Variants in CYB561A3 observed in about 807,000 individuals in gnomAD.
CYB561A3 encodes lysosomal membrane ascorbate-dependent ferrireductase CYB561A3.
In CYB561A3, 16 loss-of-function variants were observed where a neutral mutation model predicts 25.3. That is an observed-to-expected ratio of 0.63 (90% CI 0.43 to 0.96). CYB561A3 has a LOEUF of 0.96. CYB561A3 is among the 40% of genes least tolerant of loss of function. The pLI, the probability that CYB561A3 is intolerant of heterozygous loss-of-function variation, is 0.00. For synonymous variants in CYB561A3, 131 were observed against 129.9 expected, an observed-to-expected ratio of 1.01 and a Z score of -0.06; for missense variants, 219 against 307.5, an observed-to-expected ratio of 0.71 and a Z score of 2.15.
At chr11:61,354,757 A>G (rs1464568026) in intron 3 of CYB561A3, 1 of 152,168 alleles carries the variant, frequency 6.6e-6, no homozygotes, top group African/African-American at 2.4e-5. Context: ...TCATTGTTTC[A>G]TCAAACTGAA....
At position 61,349,469 on chromosome 11, in the gene CYB561A3, AAGG is replaced by A. The variant is rs1857293224; in HGVS notation, c.*927_*929del. Reference sequence around the variant, plus strand: ...GGAGGCAGGAAGGCCCTGATCCAGCAAGGAGAAGTAGAGGAAGTCCACAGCCAC... The same window carrying A: ...GGAGGCAGGAAGGCCCTGATCCAGCAAGAAGTAGAGGAAGTCCACAGCCAC... On this transcript the variant is annotated 3_prime_UTR_variant, in exon 7 of 7. Coordinates refer to ENST00000294072, the MANE Select transcript of CYB561A3 (RefSeq NM_153611.6). The A allele has an allele frequency of 4.3e-6, 3 of 690,732 alleles. No individual in the cohort carries two copies. Among genetic ancestry groups the A allele is most frequent in the Non-Finnish European group, 8.0e-6 (3 of 376,362 alleles). 42.8% of individuals were successfully genotyped at this position (690,732 alleles called of 1,614,324 possible).
chr11:61,359,744 A>G (rs991858414), intron 1 of CYB561A3: 5 of 152,376 alleles, frequency 3.3e-5, no homozygotes, highest in Admixed American at 6.5e-5. Context: ...GTGAAGGACC[A>G]GCACAGTGAT....
chr11:61,350,529 GC>G, intron 6 of CYB561A3, 107 bp from the exon 7 acceptor site: 1 of 1,423,532 alleles, frequency 7.0e-7, no homozygotes, highest in Non-Finnish European at 9.7e-7. Context: ...CCCCATCCAA[GC>G]CACCAAATCC....
In CYB561A3 at chr11:61,356,592, AT is replaced by A; in HGVS notation, c.121del (p.Ile41SerfsTer48). ...WRGGFAWNGSIYMFNWHPVLM... is the reference protein window; with the variant it reads ...WRGGFAWNGSXYMFNWHPVLM... ...CACTGGGTGCCAGTTGAACATGTAG[AT>A]GCTGCCATTCCAGGCAAAGCCACCA... On this transcript the variant is annotated frameshift_variant, in exon 3 of 7. Transcript: ENST00000294072. LOFTEE classifies it high-confidence loss of function. 6.2e-7 allele frequency: 1 copy of A among 1,614,228 alleles called. No homozygotes were observed. The highest frequency in any genetic ancestry group is 1.1e-5 in the South Asian group (1 of 91,090).
chr11:61,350,698 A>C (rs554729866), intron 6 of CYB561A3: 150 of 591,636 alleles, frequency 2.5e-4, no homozygotes, highest in Middle Eastern at 8.8e-4. Context: ...TGTCACAGTC[A>C]AGCCCTTCCT....
chr11:61,354,736 C>T (rs1420878435), intron 3 of CYB561A3: 2 of 152,178 alleles, frequency 1.3e-5, no homozygotes, highest in Non-Finnish European at 2.9e-5. Context: ...GGCTAAAAAG[C>T]ATCATGACAG....
chr11:61,349,659 C>T lies in CYB561A3; in HGVS notation c.*740G>A. 3 of 702,810 alleles carry T rather than the reference C, an allele frequency of 4.3e-6. No individual in the cohort carries two copies. The South Asian group carries it at 4.4e-5, about 10-fold the overall frequency. 43.5% of individuals were successfully genotyped at this position (702,810 alleles called of 1,614,324 possible). A position where few individuals can be genotyped will look rare whatever the true frequency, so the allele number is the denominator to read the frequency against. On this transcript the variant is annotated 3_prime_UTR_variant, in exon 7 of 7. Transcript: ENST00000294072. ...GTAGCAGCAGCTGGAAGAGGTGGAG[C>T]CGCACGGTCACAATACATGCAGACA...
At chr11:61,360,769 G>C (rs867869906) in intron 1 of CYB561A3, 2 of 152,146 alleles carry the variant, frequency 1.3e-5, no homozygotes, top group South Asian at 2.1e-4. Flanking sequence ...CATGAGGTCA[G>C]GAGTTCGAGA....
In CYB561A3 at chr11:61,350,342, T is replaced by G; in HGVS notation, c.*57A>C. On this transcript the variant is annotated 3_prime_UTR_variant, in exon 7 of 7. Coordinates refer to ENST00000294072, the MANE Select transcript of CYB561A3 (RefSeq NM_153611.6). ...CGGGAGCCCTGGGAAGAGCAGAGCT[T>G]CTGAGGGGAGCACAGGCTGCACCAC... The G allele has an allele frequency of 4.4e-6, 7 of 1,589,320 alleles. No homozygotes were observed. Among genetic ancestry groups the G allele is most frequent in the Non-Finnish European group, 4.3e-6 (5 of 1,167,966 alleles).
intron 3 of CYB561A3, chr11:61,355,953 A>T (rs1158502292): frequency 6.6e-6 from 1 of 152,132 alleles, no homozygotes; most frequent in African/African-American, 2.4e-5. Flanking sequence ...TTAGCCGGTC[A>T]CGGTGGCAGG....
intron 6 of CYB561A3, chr11:61,350,750 A>G (rs2135098127): frequency 3.3e-6 from 2 of 606,072 alleles, no homozygotes; most frequent in East Asian, 2.9e-5. Flanking sequence ...ACAGAACCAC[A>G]GTGATTTGGG....
At chr11:61,350,495 CA>C in intron 6 of CYB561A3, 73 bp from the exon 7 acceptor site, 1 of 1,573,682 alleles carries the variant, frequency 6.4e-7, no homozygotes, top group Middle Eastern at 1.7e-4. Flanking sequence ...GCTGTTCAGA[CA>C]GACCCCCAGC....
rs761616165 is a variant in CYB561A3, at chr11:61,353,901, G to T, written c.276C>A (p.Val92=). 3 of 1,614,218 alleles carry T rather than the reference G, an allele frequency of 1.9e-6. No homozygotes were observed. Among genetic ancestry groups the T allele is most frequent in the Non-Finnish European group, 2.5e-6 (3 of 1,180,040 alleles). ...LHAALHLMAF[V]LTVVGLVAVF... ...CAGCAACCAGCCCCACAACAGTGAG[G>T]ACGAAGGCCATCAGGTGCAGCGCTG... Residue 92 remains valine, a synonymous_variant, in exon 4 of 7, where the codon GTC becomes GTA. Transcript: ENST00000294072.
chr11:61,354,252 G>C lies in CYB561A3; in HGVS notation c.185-260C>G, dbSNP rs1291521057. The stretch of plus-strand genomic sequence containing the variant: ...TGCCTGTAATTCCAGCACTTTTTGG[G>C]AGGCCAAGGTGGGAGGACTGCTTGA... On this transcript the variant is annotated intron_variant, in intron 3 of 6. Coordinates refer to ENST00000294072, the MANE Select transcript of CYB561A3 (RefSeq NM_153611.6). 5.9e-6 allele frequency: 3 copies of C among 510,314 alleles called. No homozygotes were observed. The Admixed American group carries it at 9.9e-5, about 17-fold the overall frequency. 31.6% of individuals were successfully genotyped at this position (510,314 alleles called of 1,614,324 possible). A position where few individuals can be genotyped will look rare whatever the true frequency, so the allele number is the denominator to read the frequency against.
chr11:61,350,301 G>T lies in CYB561A3; in HGVS notation c.*98C>A. ...CTGGGCCCAGCATTGGAAGAAAGTC[G>T]CCTGCTGAAACCAGCCGGGAGCCCT... is the stretch of plus-strand genomic sequence containing the variant. On this transcript the variant is annotated 3_prime_UTR_variant, in exon 7 of 7. Coordinates refer to ENST00000294072, the MANE Select transcript of CYB561A3 (RefSeq NM_153611.6). 6.8e-7 allele frequency: 1 copy of T among 1,480,436 alleles called. No homozygotes were observed. 91.7% of individuals were successfully genotyped at this position (1,480,436 alleles called of 1,614,324 possible).
At chr11:61,350,914 G>A in intron 6 of CYB561A3, 77 bp downstream of exon 6, 2 of 1,517,536 alleles carry the variant, frequency 1.3e-6, no homozygotes, top group Non-Finnish European at 8.8e-7. Flanking sequence ...TTCTTGTCAA[G>A]GCCCCAGCCT....
At chr11:61,361,711 C>G (rs1857894334) in intron 1 of CYB561A3, 22 bp downstream of exon 1, 1 of 152,332 alleles carries the variant, frequency 6.6e-6, no homozygotes, top group South Asian at 2.1e-4. Flanking sequence ...CCCTGAACTC[C>G]CAGCCCCGGG....
rs1590618726 is a variant in CYB561A3, at chr11:61,361,730, C to T, written c.-112+3G>A. The T allele has an allele frequency of 6.6e-6, 1 of 152,424 alleles. No individual in the cohort carries two copies. The highest frequency in any genetic ancestry group is 1.9e-4 in the East Asian group (1 of 5,184). The allele number at this position is 152,424 out of a possible 1,614,324, so 9.4% of individuals were successfully genotyped here. A position where few individuals can be genotyped will look rare whatever the true frequency, so the allele number is the denominator to read the frequency against. ...GAACTCCCAGCCCCGGGATCCTTCT[C>T]ACCCCTAACCACAGTGGGACGAAGT... is the stretch of plus-strand genomic sequence containing the variant. On this transcript the variant is annotated splice_donor_region_variant and intron_variant, in intron 1 of 6. Transcript: ENST00000294072.
At chr11:61,360,905 G>A (rs1459629537) in intron 1 of CYB561A3, 2 of 152,238 alleles carry the variant, frequency 1.3e-5, no homozygotes, top group African/African-American at 2.4e-5. Context: ...TTGAACCCGG[G>A]AGGCGGAGGT....
Sources: gnomAD v4.1 joint callset for allele counts on GRCh38, gnomAD v4.1.1 for gene constraint, MANE v1.5 for transcripts, NCBI Gene and HGNC (gene_info 2026-07-23, HGNC 2026-07-21) for gene names.